The following ST3GAL5 variants were observed in gnomAD, a reference collection of about 807,000 sequenced individuals.
The protein encoded by ST3GAL5 is ST3 beta-galactoside alpha-2,3-sialyltransferase 5, also known as lactosylceramide alpha-2,3-sialyltransferase.
In ST3GAL5, 25 loss-of-function variants were observed where a neutral mutation model predicts 46.1. The ratio of observed to expected loss-of-function variants is 0.54; its 90% CI spans 0.40 to 0.76. ST3GAL5 has a LOEUF of 0.76. ST3GAL5 is among the 30% of genes least tolerant of loss of function. The pLI is 0.00. For synonymous variants in ST3GAL5, 182 were observed against 192.7 expected (o/e 0.94, Z 0.46); for missense variants, 431 against 521.2 (o/e 0.83, Z 1.69).
intron 6 of ST3GAL5, among the ~76,000 whole-genome samples, chr2:85,840,942 C>CAAAAAAAAA (rs1272089535): frequency 0.014 from 350 of 24,174 alleles, 40 homozygotes; most frequent in Non-Finnish European, 0.025. Context: ...GACTCTGTCT[C>CAAAAAAAAA]AAAAAAAAAA....
chr2:85,840,355 G>C lies in ST3GAL5; in HGVS notation c.1046C>G (p.Ala349Gly), dbSNP rs1681870731. 1 of 1,614,022 alleles carries C rather than the reference G, an allele frequency of 6.2e-7. No homozygotes were observed. Among genetic ancestry groups the C allele is most frequent in the Admixed American group, 1.7e-5 (1 of 60,002 alleles). The change falls in exon 7 of 7, where the codon GCC becomes GGC. Residue 349 changes from alanine (A) to glycine (G), a missense_variant. Coordinates refer to ENST00000638572, the MANE Select transcript of ST3GAL5 (RefSeq NM_003896.4). ...PTIGVIAVVL[A>G]THLCDEVSLA... is the part of the protein sequence containing the mutation. ...ACTGACTTCATCGCACAGATGTGTG[G>C]CTAAGACAACGGCAATGACACCGAT...
At chr2:85,851,372 C>T (rs565159674) in intron 3 of ST3GAL5, 2 of 1,179,154 alleles carry the variant, frequency 1.7e-6, no homozygotes, top group African/African-American at 1.6e-5. Flanking sequence ...AATTCCTTGT[C>T]CTCTTTTGTT....
chr2:85,871,619 C>G (rs554650444), intron 1 of ST3GAL5, among the ~76,000 whole-genome samples: 1 of 152,162 alleles, frequency 6.6e-6, no homozygotes, highest in East Asian at 1.9e-4. Context: ...TCTAGTGAAC[C>G]TAAAAAAACT....
rs111824432 is a variant in ST3GAL5, at chr2:85,863,730, C to T, written c.83-245G>A. Among the ~76,000 whole-genome samples the T allele has an allele frequency of 2.9e-3, 439 of 149,248 alleles. 3 individuals are homozygous for T. Among genetic ancestry groups the T allele is most frequent in the Non-Finnish European group, 4.8e-3 (325 of 67,560 alleles). On this transcript the variant is annotated intron_variant, in intron 1 of 6. Transcript: ENST00000638572. The stretch of plus-strand genomic sequence containing the variant: ...CATTCTTTTTTTTTTTTTTCTGAGA[C>T]GGAGTCTTGCTCTGTTGCCCAGGCT...
At chr2:85,848,940 A>G (rs1419902186) in intron 3 of ST3GAL5, 3 of 153,510 alleles carry the variant, frequency 2.0e-5, no homozygotes, top group Admixed American at 6.4e-5. Context: ...AGAATGTCAC[A>G]GTCTAGAATG....
At chr2:85,871,360 A>G (rs1685905940) in intron 1 of ST3GAL5, among the ~76,000 whole-genome samples, 2 of 152,262 alleles carry the variant, frequency 1.3e-5, no homozygotes, top group South Asian at 4.1e-4. Flanking sequence ...GCTATCAAAC[A>G]CTAGAACTTA....
rs1016959511 is a variant in ST3GAL5 at position 85,846,526 on chromosome 2, C to A, written c.700G>T (p.Val234Phe). ...ATCCTTATAGTAGTTTTATTTCCAA[C>A]ATGTTCTGAATATCCCTCAACTGGT... ...SAPVEGYSEH[V>F]GNKTTIRMTY... Residue 234 changes from valine (V) to phenylalanine (F), a missense_variant, in exon 5 of 7, where the codon GTT becomes TTT. Physicochemically the swap from Val to Phe is conservative, Grantham distance 50. Coordinates refer to ENST00000638572, the MANE Select transcript of ST3GAL5 (RefSeq NM_003896.4). 6.2e-7 allele frequency: 1 copy of A among 1,614,182 alleles called. No homozygotes were observed. Among genetic ancestry groups the A allele is most frequent in the Non-Finnish European group, 8.5e-7 (1 of 1,180,026 alleles).
intron 1 of ST3GAL5, among the ~76,000 whole-genome samples, chr2:85,863,892 G>GA (rs1355539295): frequency 6.6e-6 from 1 of 152,118 alleles, no homozygotes; most frequent in East Asian, 1.9e-4. Context: ...ATTTTTAGTA[G>GA]AGACAGGGTT....
intron 2 of ST3GAL5, 80 bp downstream of exon 2, chr2:85,863,282 G>A (rs1684918945): frequency 6.2e-7 from 1 of 1,609,294 alleles, no homozygotes; most frequent in Non-Finnish European, 8.5e-7. Flanking sequence ...CCATCTTGAG[G>A]GCTCTCACTG....
intron 1 of ST3GAL5, among the ~76,000 whole-genome samples, chr2:85,884,132 C>G (rs1204999738): frequency 6.6e-6 from 1 of 152,206 alleles, no homozygotes; most frequent in Non-Finnish European, 1.5e-5. Flanking sequence ...CCTCAATACC[C>G]TCCTTTATAA....
intron 1 of ST3GAL5, among the ~76,000 whole-genome samples, chr2:85,877,791 A>G (rs768932795): frequency 6.6e-6 from 1 of 152,260 alleles, no homozygotes; most frequent in African/African-American, 2.4e-5. Context: ...CTAGGGCTGG[A>G]TAAAACAGTA....
chr2:85,873,076 G>C (rs1485469603), intron 1 of ST3GAL5, among the ~76,000 whole-genome samples: 1 of 152,214 alleles, frequency 6.6e-6, no homozygotes, highest in African/African-American at 2.4e-5. Flanking sequence ...GGTGCAGGCA[G>C]GACGAGAGCA....
intron 1 of ST3GAL5, among the ~76,000 whole-genome samples, chr2:85,873,006 G>T (rs62147540): frequency 0.18 from 26,859 of 152,188 alleles, 2,819 homozygotes; most frequent in South Asian, 0.34. Context: ...AAGACATGGT[G>T]TGCTGTGGGC....
intron 1 of ST3GAL5, among the ~76,000 whole-genome samples, chr2:85,884,921 A>G (rs1433275082): frequency 2.6e-5 from 4 of 152,338 alleles, no homozygotes; most frequent in Non-Finnish European, 4.4e-5. Context: ...CTAATCTGTT[A>G]TTTTTATCAA....
intron 1 of ST3GAL5, among the ~76,000 whole-genome samples, chr2:85,878,611 A>G (rs1384797611): frequency 6.6e-6 from 1 of 152,210 alleles, no homozygotes; most frequent in African/African-American, 2.4e-5. Flanking sequence ...ATGGTTGTCT[A>G]ATTTTCTTTG....
intron 3 of ST3GAL5, chr2:85,851,733 A>G: frequency 2.3e-6 from 3 of 1,289,308 alleles, no homozygotes; most frequent in Non-Finnish European, 3.0e-6. Context: ...CAGTGTGACT[A>G]GGCTGTGAGG....
At chr2:85,878,319 G>A (rs959039339) in intron 1 of ST3GAL5, among the ~76,000 whole-genome samples, 4 of 152,176 alleles carry the variant, frequency 2.6e-5, no homozygotes, top group South Asian at 2.1e-4. Context: ...GATACCCACT[G>A]TTAACATTCT....
chr2:85,855,239 T>G (rs1429377337), intron 3 of ST3GAL5: 1 of 152,342 alleles, frequency 6.6e-6, no homozygotes, highest in Non-Finnish European at 1.5e-5. Flanking sequence ...TCATGAGATC[T>G]GATGGTTTTA....
At position 85,847,966 on chromosome 2, in the gene ST3GAL5, T is replaced by C. The variant is rs1243393145; in HGVS notation, c.557A>G (p.His186Arg). Residue 186 changes from histidine (H) to arginine (R), a missense_variant, in exon 4 of 7, where the codon CAC becomes CGC. Transcript: ENST00000638572. ...GCGCCGACAGGTCTTGGCTTTCAAG[T>C]GTTCAGGGAGGTCGTGCTCTGGCAA... Reference protein sequence around the residue: ...ELLPEHDLPEHLKAKTCRRCV... With the variant: ...ELLPEHDLPERLKAKTCRRCV... 6.2e-6 allele frequency: 10 copies of C among 1,614,192 alleles called. No homozygotes were observed. Among genetic ancestry groups the C allele is most frequent in the Non-Finnish European group, 8.5e-6 (10 of 1,180,034 alleles).
Sources: allele counts gnomAD v4.1 joint callset (sites outside exome capture counted in the v4.1 genomes callset), GRCh38; gene constraint gnomAD v4.1.1; transcripts MANE v1.5; gene names NCBI Gene and HGNC (gene_info 2026-07-23, HGNC 2026-07-21).